GPATCH2: variants seen among roughly 807,000 people sequenced by gnomAD.
The protein encoded by GPATCH2 is G-patch domain containing 2.
GPATCH2 carries 51 observed loss-of-function variants against 58.0 expected under a neutral mutation model. That is an observed-to-expected ratio of 0.88 (90% CI 0.70 to 1.11). GPATCH2 has a LOEUF of 1.11. GPATCH2 is among the 50% of genes most tolerant of loss of function. GPATCH2 has a pLI of 0.00. For synonymous variants in GPATCH2, 222 were observed against 218.5 expected (o/e 1.02, Z -0.14); for missense variants, 625 against 652.2 (o/e 0.96, Z 0.45).
intron 8 of GPATCH2, among the ~76,000 whole-genome samples, chr1:217,463,896 C>T (rs1660319136): frequency 6.6e-6 from 1 of 152,048 alleles, no homozygotes; most frequent in Non-Finnish European, 1.5e-5. Flanking sequence ...ATGTAAGTTC[C>T]TGGAATGCAG....
chr1:217,511,840 T>TG (rs398039804), intron 6 of GPATCH2, among the ~76,000 whole-genome samples: 159 of 151,842 alleles, frequency 1.0e-3, no homozygotes, highest in African/African-American at 3.3e-3. Context: ...TGTGTGTGTG[T>TG]TTGTGTCTAT....
chr1:217,513,718 C>A (rs185794914), intron 6 of GPATCH2, among the ~76,000 whole-genome samples: 166 of 152,188 alleles, frequency 1.1e-3, no homozygotes, highest in African/African-American at 3.9e-3. Flanking sequence ...GTAGTCTCTT[C>A]CTTTTGTTGC....
At chr1:217,448,132 T>G (rs1456748341) in intron 9 of GPATCH2, among the ~76,000 whole-genome samples, 2 of 151,806 alleles carry the variant, frequency 1.3e-5, no homozygotes, top group African/African-American at 4.8e-5. Flanking sequence ...GAATGTAAGT[T>G]TCACATCTTT....
intron 8 of GPATCH2, among the ~76,000 whole-genome samples, chr1:217,482,945 C>T (rs371671941): frequency 1.3e-5 from 2 of 152,254 alleles, no homozygotes; most frequent in East Asian, 3.9e-4. Flanking sequence ...AACAACTGAT[C>T]TGCTTTCTTT....
intron 6 of GPATCH2, among the ~76,000 whole-genome samples, chr1:217,507,870 T>C (rs1662637716): frequency 6.6e-6 from 1 of 152,126 alleles, no homozygotes; most frequent in Non-Finnish European, 1.5e-5. Context: ...AAAAGTCAAA[T>C]TATTTATAAA....
At chr1:217,591,251 C>CAT (rs985852846) in intron 5 of GPATCH2, among the ~76,000 whole-genome samples, 15 of 151,852 alleles carry the variant, frequency 9.9e-5, no homozygotes, top group South Asian at 8.3e-4. Flanking sequence ...TATATAAATG[C>CAT]ATATATATAT....
intron 5 of GPATCH2, among the ~76,000 whole-genome samples, chr1:217,586,850 A>G (rs1385746756): frequency 6.6e-6 from 1 of 152,200 alleles, no homozygotes; most frequent in Non-Finnish European, 1.5e-5. Flanking sequence ...TGGGATCACC[A>G]TTGTAGAAAC....
rs139699489 is a variant in GPATCH2, at chr1:217,476,315, G to T, written c.1277+15365C>A. On this transcript the variant is annotated intron_variant, in intron 8 of 9. Coordinates refer to ENST00000366935, the MANE Select transcript of GPATCH2 (RefSeq NM_018040.5). ...GAAATCGATATGCACAGCACCTGGG[G>T]TGGAGCAAGATGGCAGAATAGAAGA... Among the ~76,000 whole-genome samples the T allele has an allele frequency of 1.0e-3, 158 of 151,834 alleles. 1 individual carries two copies. Among genetic ancestry groups the T allele is most frequent in the Non-Finnish European group, 1.1e-3 (75 of 67,952 alleles).
At chr1:217,449,815 G>A (rs146297207) in intron 8 of GPATCH2, among the ~76,000 whole-genome samples, 160 of 152,272 alleles carry the variant, frequency 1.1e-3, no homozygotes, top group African/African-American at 3.6e-3. Context: ...AAATAGTGAT[G>A]CTTCCCTTAT....
chr1:217,467,804 T>C (rs1001522910), intron 8 of GPATCH2, among the ~76,000 whole-genome samples: 1 of 152,152 alleles, frequency 6.6e-6, no homozygotes, highest in Non-Finnish European at 1.5e-5. Flanking sequence ...AGTAAAGGAA[T>C]CAGCACTTCT....
At chr1:217,622,923 A>G (rs1260078323) in intron 1 of GPATCH2, among the ~76,000 whole-genome samples, 1 of 152,266 alleles carries the variant, frequency 6.6e-6, no homozygotes, top group Non-Finnish European at 1.5e-5. Context: ...CAAACAAAAC[A>G]GAGGCTACAA....
In GPATCH2 at chr1:217,630,937, G is replaced by A; in HGVS notation, c.35C>T (p.Ala12Val). 1 of 1,590,214 alleles carries A rather than the reference G, an allele frequency of 6.3e-7. No homozygotes were observed. Among genetic ancestry groups the A allele is most frequent in the East Asian group, 2.3e-5 (1 of 44,224 alleles). Reference sequence around the variant, plus strand: ...TCACCAGCTGTTCCCGGCTGCTGGAGCTCCGATCGGTTGGCGCCCGGCGGC... The same window carrying A: ...TCACCAGCTGTTCCCGGCTGCTGGAACTCCGATCGGTTGGCGCCCGGCGGC... The part of the protein sequence containing the change: ...FGAAGRQPIG[A>V]PAAGNSWHFS... Residue 12 changes from alanine (A) to valine (V), a missense_variant, in exon 1 of 10, where the codon GCT becomes GTT. Ala to Val is a moderately conservative substitution (Grantham distance 64). Transcript: ENST00000366935.
chr1:217,595,817 G>GT (rs1258202734), intron 5 of GPATCH2, among the ~76,000 whole-genome samples: 1 of 151,976 alleles, frequency 6.6e-6, no homozygotes, highest in Non-Finnish European at 1.5e-5. Context: ...CTTAATGTAG[G>GT]TAACTCTTTG....
At chr1:217,541,170 A>T (rs1664721301) in intron 5 of GPATCH2, among the ~76,000 whole-genome samples, 1 of 152,220 alleles carries the variant, frequency 6.6e-6, no homozygotes. Flanking sequence ...TACTACACTG[A>T]TACAGCTTCT....
Position 217,534,425 on chromosome 1 carries a change from T to G in GPATCH2, c.1099-19536A>C, listed in dbSNP as rs1052805556. On this transcript the variant is annotated intron_variant, in intron 5 of 9. Transcript: ENST00000366935. ...TATCAACTGGGTAAAGTATTAGCTTTTAAGTAAAAGTTGCCCATCTTCTTA... is the reference window on the plus strand; with the variant it reads ...TATCAACTGGGTAAAGTATTAGCTTGTAAGTAAAAGTTGCCCATCTTCTTA... Among the ~76,000 whole-genome samples, 3 of 152,160 alleles carry G rather than the reference T, an allele frequency of 2.0e-5. No individual in the cohort carries two copies. In the East Asian group the frequency reaches 5.8e-4, roughly 29 times the overall value.
intron 9 of GPATCH2, among the ~76,000 whole-genome samples, chr1:217,440,065 A>G (rs759773451): frequency 4.6e-5 from 7 of 152,188 alleles, no homozygotes; most frequent in Non-Finnish European, 7.4e-5. Context: ...ACAACAACAA[A>G]AAATTTCAGG....
intron 5 of GPATCH2, among the ~76,000 whole-genome samples, chr1:217,555,922 C>G (rs1475640096): frequency 6.6e-6 from 1 of 152,140 alleles, no homozygotes; most frequent in Non-Finnish European, 1.5e-5. Context: ...CTGAGACATA[C>G]AGGTCATACT....
At chr1:217,608,908 AAAG>A (rs1336009710) in intron 5 of GPATCH2, 20 of 982,884 alleles carry the variant, frequency 2.0e-5, no homozygotes, top group Admixed American at 1.2e-4. Context: ...AAGCAATCTA[AAAG>A]AAGATGTCAC....
At chr1:217,555,260 T>C (rs1386528563) in intron 5 of GPATCH2, among the ~76,000 whole-genome samples, 2 of 152,304 alleles carry the variant, frequency 1.3e-5, no homozygotes, top group Middle Eastern at 3.4e-3. Context: ...AGAAAGACTG[T>C]CTATATCTTA....
Sources: allele counts gnomAD v4.1 joint callset (sites outside exome capture counted in the v4.1 genomes callset), GRCh38; gene constraint gnomAD v4.1.1; transcripts MANE v1.5; gene names NCBI Gene and HGNC (gene_info 2026-07-23, HGNC 2026-07-21).